Variants in FYN observed in about 807,000 individuals in gnomAD.
FYN encodes the protein tyrosine-protein kinase Fyn.
FYN carries 10 observed loss-of-function variants against 70.2 expected under a neutral mutation model. The observed-to-expected ratio is 0.14, with a 90% CI of 0.09 to 0.24. The LOEUF is 0.24. Among genes scored for constraint, FYN ranks in the 10% least tolerant of loss-of-function variants. The pLI is 1.00. For synonymous variants in FYN, 236 were observed against 248.6 expected, an observed-to-expected ratio of 0.95 and a Z score of 0.48; for missense variants, 319 against 673.1, an observed-to-expected ratio of 0.47 and a Z score of 5.82.
rs118079334 is a variant in FYN at position 111,667,200 on chromosome 6, A to C, written c.1406-5253T>G. Among the ~76,000 whole-genome samples the C allele has an allele frequency of 3.8e-3, 582 of 152,100 alleles. 12 individuals are homozygous for C. The East Asian group carries it at 0.05, about 13-fold the overall frequency. ...CCTATTCCACTTCTTTGAGCTGTAC[A>C]TGAACTCAGTAGTCTTCCCTTTTTC... On this transcript the variant is annotated intron_variant, in intron 13 of 13. Transcript: ENST00000354650.
intron 5 of FYN, among the ~76,000 whole-genome samples, chr6:111,712,020 C>T (rs1800403181): frequency 2.0e-5 from 3 of 152,172 alleles, no homozygotes; most frequent in Admixed American, 2.0e-4. Flanking sequence ...AAAGGCCGTG[C>T]ATGGAAGTCA....
At chr6:111,732,259 T>C (rs1332775595) in intron 3 of FYN, among the ~76,000 whole-genome samples, 1 of 152,272 alleles carries the variant, frequency 6.6e-6, no homozygotes, top group Non-Finnish European at 1.5e-5. Flanking sequence ...GACTTTTCAC[T>C]TGGCCTATGA....
chr6:111,717,530 C>T (rs1434443159), intron 4 of FYN, among the ~76,000 whole-genome samples: 5 of 151,860 alleles, frequency 3.3e-5, no homozygotes, highest in African/African-American at 9.7e-5. Context: ...GGCGTGATCT[C>T]GGCTCACTGC....
chr6:111,668,568 C>T (rs1798114266), intron 13 of FYN, among the ~76,000 whole-genome samples: 1 of 151,780 alleles, frequency 6.6e-6, no homozygotes, highest in Non-Finnish European at 1.5e-5. Context: ...CGGAACTGCA[C>T]CCCTGAGAAC....
At chr6:111,852,010 G>A (rs1773699841) in intron 1 of FYN, among the ~76,000 whole-genome samples, 1 of 151,846 alleles carries the variant, frequency 6.6e-6, no homozygotes, top group Non-Finnish European at 1.5e-5. Context: ...CATAAATGAC[G>A]GTATGTATGA....
intron 8 of FYN, among the ~76,000 whole-genome samples, chr6:111,702,072 A>C (rs1799865604): frequency 1.3e-5 from 2 of 152,180 alleles, no homozygotes; most frequent in South Asian, 4.1e-4. Flanking sequence ...GGGTCACACA[A>C]AAAAATATCT....
chr6:111,730,362 C>T (rs1258619104), intron 3 of FYN, among the ~76,000 whole-genome samples: 2 of 152,158 alleles, frequency 1.3e-5, no homozygotes, highest in Non-Finnish European at 2.9e-5. Context: ...CTTTGGGCCA[C>T]ACATCCTAGG....
chr6:111,820,372 A>G (rs1444924771), intron 2 of FYN, among the ~76,000 whole-genome samples: 4 of 152,216 alleles, frequency 2.6e-5, no homozygotes, highest in African/African-American at 9.6e-5. Context: ...AACAGAAACA[A>G]CTAGCCAATA....
At chr6:111,720,961 CCTT>C (rs974432683) in intron 3 of FYN, among the ~76,000 whole-genome samples, 11 of 152,232 alleles carry the variant, frequency 7.2e-5, no homozygotes, top group Middle Eastern at 3.4e-3. Flanking sequence ...ATTTCCTCCT[CCTT>C]GTTTACTTCC....
chr6:111,719,783 C>G (rs1562489583), intron 4 of FYN, 22 bp downstream of exon 4: 1 of 1,611,510 alleles, frequency 6.2e-7, no homozygotes, highest in Admixed American at 1.7e-5. Flanking sequence ...CCTCTCTGCA[C>G]TCTGTGACTT....
intron 1 of FYN, among the ~76,000 whole-genome samples, chr6:111,846,905 TAC>T (rs1049178430): frequency 6.6e-6 from 1 of 152,024 alleles, no homozygotes; most frequent in Non-Finnish European, 1.5e-5. Context: ...GCCTTGTGTG[TAC>T]ACACACACAT....
chr6:111,663,416 G>C (rs1244944564), intron 13 of FYN, among the ~76,000 whole-genome samples: 1 of 152,210 alleles, frequency 6.6e-6, no homozygotes, highest in South Asian at 2.1e-4. Flanking sequence ...CCTGCAGAGG[G>C]AACACTCGGA....
intron 3 of FYN, among the ~76,000 whole-genome samples, chr6:111,727,614 G>C (rs1460420778): frequency 6.6e-6 from 1 of 152,156 alleles, no homozygotes; most frequent in African/African-American, 2.4e-5. Flanking sequence ...GCAATCATGG[G>C]AGAACAGAGC....
At chr6:111,681,527 C>T (rs1300770964) in intron 12 of FYN, among the ~76,000 whole-genome samples, 4 of 152,142 alleles carry the variant, frequency 2.6e-5, no homozygotes, top group African/African-American at 9.7e-5. Flanking sequence ...AACCTGTGTC[C>T]TGCACTTAGC....
intron 3 of FYN, among the ~76,000 whole-genome samples, chr6:111,720,324 A>G (rs1800871963): frequency 6.6e-6 from 1 of 152,196 alleles, no homozygotes; most frequent in African/African-American, 2.4e-5. Flanking sequence ...CTTTCCTCGA[A>G]TAAGGCCTGT....
chr6:111,741,487 T>C (rs1801962068), intron 3 of FYN, among the ~76,000 whole-genome samples: 1 of 150,256 alleles, frequency 6.7e-6, no homozygotes, highest in African/African-American at 2.5e-5. Flanking sequence ...TTTTGGATGG[T>C]TTTAAGTTTT....
chr6:111,792,867 T>G (rs998215717), intron 2 of FYN, among the ~76,000 whole-genome samples: 1 of 152,202 alleles, frequency 6.6e-6, no homozygotes, highest in Non-Finnish European at 1.5e-5. Flanking sequence ...TTACCCTTGA[T>G]GGAAACTGGG....
intron 2 of FYN, among the ~76,000 whole-genome samples, chr6:111,838,243 AACATCAATGAGG>A (rs1474894069): frequency 6.6e-6 from 1 of 152,182 alleles, no homozygotes; most frequent in Non-Finnish European, 1.5e-5. Context: ...TAAACCTACT[AACATCAATGAGG>A]ACATCCAGGG....
At chr6:111,752,754 TGGTCTGGCA>T (rs1802544471) in intron 3 of FYN, among the ~76,000 whole-genome samples, 1 of 152,284 alleles carries the variant, frequency 6.6e-6, no homozygotes, top group Non-Finnish European at 1.5e-5. Context: ...GAATGACACT[TGGTCTGGCA>T]GCTCCATGCA....
Sources: gnomAD v4.1 joint callset for allele counts (sites outside exome capture counted in the v4.1 genomes callset) on GRCh38, gnomAD v4.1.1 for gene constraint, MANE v1.5 for transcripts, NCBI Gene and HGNC (gene_info 2026-07-23, HGNC 2026-07-21) for gene names.